NUP107: variants seen among roughly 807,000 people sequenced by gnomAD.
The protein encoded by NUP107 is nuclear pore complex protein Nup107.
Under a neutral mutation model 141.0 loss-of-function variants are expected in NUP107, and 101 were observed. The ratio of observed to expected loss-of-function variants is 0.72; its 90% confidence interval spans 0.61 to 0.84. NUP107 has a LOEUF of 0.84. Among genes scored for constraint, NUP107 ranks in the 40% least tolerant of loss-of-function variants. NUP107 has a pLI of 0.00. For synonymous variants in NUP107, 319 were observed against 363.9 expected (o/e 0.88, Z 1.41); for missense variants, 941 against 1,102.7 (o/e 0.85, Z 2.08).
intron 17 of NUP107, among the ~76,000 whole-genome samples, chr12:68,724,399 A>G (rs1461238497): frequency 1.3e-5 from 2 of 152,184 alleles, no homozygotes; most frequent in Non-Finnish European, 2.9e-5. Context: ...CAAAATTAGC[A>G]TAAAAACCTA....
chr12:68,731,670 A>T lies in NUP107; in HGVS notation c.1949A>T (p.Glu650Val). ...AATATTCGAAAGAAAGATAATGGTG[A>T]ATTTAGTCATCATGACCTGGCCCCA... ...VENIRKKDNGEFSHHDLAPAL... is the reference protein window; with the variant it reads ...VENIRKKDNGVFSHHDLAPAL... The change falls in exon 22 of 28, where the codon GAA becomes GTA. Residue 650 changes from glutamate to valine, a missense_variant. Physicochemically the swap from Glu to Val is moderately radical, Grantham distance 121 (BLOSUM62 -2). Coordinates refer to ENST00000229179, the MANE Select transcript of NUP107 (RefSeq NM_020401.4). The T allele has an allele frequency of 6.3e-7, 1 of 1,590,370 alleles. No individual in the cohort carries two copies. The highest frequency in any genetic ancestry group is 8.5e-7 in the Non-Finnish European group (1 of 1,173,748).
intron 24 of NUP107, among the ~76,000 whole-genome samples, chr12:68,734,161 C>T (rs1877965022): frequency 6.6e-6 from 1 of 152,108 alleles, no homozygotes; most frequent in African/African-American, 2.4e-5. Flanking sequence ...CTTGTAGTCC[C>T]AGCTTCTTCA....
chr12:68,712,648 T>A (rs1482082861), intron 10 of NUP107, among the ~76,000 whole-genome samples: 2 of 151,314 alleles, frequency 1.3e-5, no homozygotes, highest in Non-Finnish European at 2.9e-5. Context: ...TTTTTTGTTT[T>A]TTTTTTTTAG....
At chr12:68,703,957 C>T (rs1031669003) in intron 8 of NUP107, among the ~76,000 whole-genome samples, 1 of 152,096 alleles carries the variant, frequency 6.6e-6, no homozygotes, top group East Asian at 1.9e-4. Context: ...GCCTGTGGTC[C>T]CAGCAACTTG....
At chr12:68,694,946 T>C (rs1442478646) in intron 5 of NUP107, among the ~76,000 whole-genome samples, 2 of 152,114 alleles carry the variant, frequency 1.3e-5, no homozygotes, top group Non-Finnish European at 2.9e-5. Flanking sequence ...GACACTGTTC[T>C]AAAGAAGATT....
chr12:68,716,237 C>CTTTTTT lies in NUP107; in HGVS notation c.1083+500_1083+501insTTTTTT, dbSNP rs1304801302. On this transcript the variant is annotated intron_variant, in intron 12 of 27. Transcript: ENST00000229179. ...TTCCTTTTTCTTTCTTTCTTTCTTT[C>CTTTTTT]TTTCTTTCTTTTTTTTTTTGAGATG... Among the ~76,000 whole-genome samples the CTTTTTT allele has an allele frequency of 9.5e-5, 11 of 115,512 alleles. 1 individual carries two copies. Among genetic ancestry groups the CTTTTTT allele is most frequent in the African/African-American group, 1.8e-4 (6 of 32,474 alleles). 75.8% of individuals were successfully genotyped at this position (115,512 alleles called of 152,430 possible).
rs145098685 is a variant in NUP107, at chr12:68,715,934, T to A, written c.1083+194T>A. ...CTTGAGAAAACAATGTAATCTAGTTTGTACAACTCTAATTAATAGAAAATT... is the reference window on the plus strand; with the variant it reads ...CTTGAGAAAACAATGTAATCTAGTTAGTACAACTCTAATTAATAGAAAATT... On this transcript the variant is annotated intron_variant, in intron 12 of 27. Coordinates refer to ENST00000229179, the MANE Select transcript of NUP107 (RefSeq NM_020401.4). Among the ~76,000 whole-genome samples, 391 of 152,360 alleles carry A rather than the reference T, an allele frequency of 2.6e-3. 1 individual carries two copies. Among genetic ancestry groups the A allele is most frequent in the African/African-American group, 8.8e-3 (364 of 41,590 alleles).
intron 26 of NUP107, among the ~76,000 whole-genome samples, chr12:68,739,237 C>T (rs187884928): frequency 1.3e-5 from 2 of 152,312 alleles, no homozygotes; most frequent in Admixed American, 1.3e-4. Flanking sequence ...CCATATCCTA[C>T]ATTAGTTTTC....
chr12:68,705,658 T>A, intron 8 of NUP107: 1 of 587,172 alleles, frequency 1.7e-6, no homozygotes, highest in East Asian at 3.8e-5. Flanking sequence ...GACCCAGAAG[T>A]CCTTCAAGGT....
rs936255108 is a variant in NUP107, at chr12:68,709,257, A to C, written c.749A>C (p.Lys250Thr). Reference sequence around the variant, plus strand: ...TAATAGGCTGTTAATGCCAGTGAAAAAACAGTTGTGGAAGCGTTATTTCAG... The same window carrying C: ...TAATAGGCTGTTAATGCCAGTGAAACAACAGTTGTGGAAGCGTTATTTCAG... ...FAVTAVNASEKTVVEALFQRD... is the reference protein window; with the variant it reads ...FAVTAVNASETTVVEALFQRD... The change falls in exon 9 of 28, where the codon AAA becomes ACA. Residue 250 changes from lysine to threonine, a missense_variant. Physicochemically the swap from Lys to Thr is moderately conservative, Grantham distance 78. Transcript: ENST00000229179. 8 of 1,602,664 alleles carry C rather than the reference A, an allele frequency of 5.0e-6. No individual in the cohort carries two copies. Among genetic ancestry groups the C allele is most frequent in the Non-Finnish European group, 5.1e-6 (6 of 1,175,558 alleles).
intron 8 of NUP107, among the ~76,000 whole-genome samples, 182 bp downstream of exon 8, chr12:68,702,966 C>T (rs187099625): frequency 4.1e-4 from 62 of 151,950 alleles, no homozygotes; most frequent in African/African-American, 1.2e-3. Context: ...ACCTCAGCTT[C>T]CTGAGTAGCT....
Position 68,741,888 on chromosome 12 carries a change from C to G in NUP107, c.2578C>G (p.Leu860Val), listed in dbSNP as rs755619071. 6.2e-7 allele frequency: 1 copy of G among 1,614,040 alleles called. No individual in the cohort carries two copies. The highest frequency in any genetic ancestry group is 8.5e-7 in the Non-Finnish European group (1 of 1,179,956). Residue 860 changes from leucine (L) to valine (V), a missense_variant, in exon 27 of 28, where the codon CTG becomes GTG. Leu to Val is a conservative substitution (Grantham distance 32, BLOSUM62 1). Transcript: ENST00000229179. Reference protein sequence around the residue: ...RKLCLPMLCFLLHTILHSTGQ... With the variant: ...RKLCLPMLCFVLHTILHSTGQ... ...GCTTTGTCTGCCAATGTTGTGTTTT[C>G]TGCTTCATACGATATTGCACAGTAC...
In NUP107 at chr12:68,706,056, G is replaced by A. The variant is rs552971887; in HGVS notation, c.730-3182G>A. The A allele has an allele frequency of 2.2e-5, 18 of 803,736 alleles. No individual in the cohort carries two copies. The South Asian group carries it at 2.3e-4, about 10-fold the overall frequency. The allele number at this position is 803,736 out of a possible 1,614,324, so 49.8% of individuals were successfully genotyped here. On this transcript the variant is annotated intron_variant, in intron 8 of 27. Transcript: ENST00000229179. ...AGAGCAACATGGACAACATGTTCGAGAGCTACATCAACAAACTTCTGCTGG... is the reference window on the plus strand; with the variant it reads ...AGAGCAACATGGACAACATGTTCGAAAGCTACATCAACAAACTTCTGCTGG...
chr12:68,731,588 G>A lies in NUP107; in HGVS notation c.1886-19G>A, dbSNP rs374196893. On this transcript the variant is annotated intron_variant, in intron 21 of 27. Coordinates refer to ENST00000229179, the MANE Select transcript of NUP107 (RefSeq NM_020401.4). ...CAATGATTAATCTTTGTTTTTTGTC[G>A]CTTCAAAAAATTATTTAGATTTGGA... is the stretch of plus-strand genomic sequence containing the variant. The A allele has an allele frequency of 2.4e-5, 34 of 1,427,690 alleles. No individual in the cohort carries two copies. In the East Asian group the frequency reaches 4.2e-4, roughly 18 times the overall value. 88.4% of individuals were successfully genotyped at this position (1,427,690 alleles called of 1,614,324 possible).
At position 68,715,125 on chromosome 12, in the gene NUP107, C is replaced by G. The variant is rs1020645367; in HGVS notation, c.970-502C>G. 2.0e-5 allele frequency among the ~76,000 whole-genome samples: 3 copies of G among 152,244 alleles called. No homozygotes were observed. The East Asian group carries it at 5.8e-4, about 29-fold the overall frequency. The stretch of plus-strand genomic sequence containing the variant: ...ACTGAGTATGTTTTAAGTAGGGAAG[C>G]AGATGACTATGTGGCTATTTGGAAC... On this transcript the variant is annotated intron_variant, in intron 11 of 27. Coordinates refer to ENST00000229179, the MANE Select transcript of NUP107 (RefSeq NM_020401.4).
In NUP107 at chr12:68,715,717, A is replaced by G. The variant is rs1419029331; in HGVS notation, c.1060A>G (p.Ile354Val). The G allele has an allele frequency of 1.9e-6, 3 of 1,608,818 alleles. No homozygotes were observed. In the Admixed American group the frequency reaches 5.0e-5, roughly 27 times the overall value. Residue 354 changes from isoleucine to valine, a missense_variant, in exon 12 of 28, where the codon ATC becomes GTC. Transcript: ENST00000229179. ...ATTACTCAAATATCTCTTTACTCTA[A>G]TCCGTGCTGGAATGACAGAAGAGGT... is the stretch of plus-strand genomic sequence containing the variant. ...VRLLKYLFTL[I>V]RAGMTEEAQR...
At chr12:68,706,618 C>T in intron 8 of NUP107, 1 of 706,334 alleles carries the variant, frequency 1.4e-6, no homozygotes, top group Non-Finnish European at 2.6e-6. Context: ...CAGAGGGCTT[C>T]CCTGGAGGCC....
chr12:68,723,953 C>T (rs1877455400), intron 17 of NUP107, among the ~76,000 whole-genome samples: 1 of 151,980 alleles, frequency 6.6e-6, no homozygotes, highest in African/African-American at 2.4e-5. Context: ...AGTTTATTAC[C>T]AGTCTATTAT....
intron 24 of NUP107, 56 bp downstream of exon 24, chr12:68,733,668 C>G (rs1365179527): frequency 6.5e-7 from 1 of 1,548,902 alleles, no homozygotes; most frequent in African/African-American, 1.4e-5. Flanking sequence ...TTTTCGGATT[C>G]ACTCTCAGAG....
Sources: allele counts gnomAD v4.1 joint callset (sites outside exome capture counted in the v4.1 genomes callset), GRCh38; gene constraint gnomAD v4.1.1; transcripts MANE v1.5; gene names NCBI Gene and HGNC (gene_info 2026-07-23, HGNC 2026-07-21).